Variants in SDK1 observed in about 807,000 individuals in gnomAD.
SDK1 encodes sidekick cell adhesion molecule 1, also known as protein sidekick-1.
In SDK1, 157 loss-of-function variants were observed where a neutral mutation model predicts 245.5. The ratio of observed to expected loss-of-function variants is 0.64; its 90% CI spans 0.56 to 0.73. SDK1 has a LOEUF of 0.73. Among genes scored for constraint, SDK1 ranks in the 30% least tolerant of loss-of-function variants. The pLI, the probability that SDK1 is intolerant of heterozygous loss-of-function variation, is 0.00. For synonymous variants in SDK1, 1,647 were observed against 1,278.5 expected, an observed-to-expected ratio of 1.29 and a Z score of -6.15; for missense variants, 3,583 against 3,002.3, an observed-to-expected ratio of 1.19 and a Z score of -4.52.
At chr7:4,221,577 A>C (rs1361785841) in intron 40 of SDK1, among the ~76,000 whole-genome samples, 6 of 152,164 alleles carry the variant, frequency 3.9e-5, no homozygotes. Flanking sequence ...TTAAGGGCAT[A>C]CGCTTTGGGA....
intron 1 of SDK1, among the ~76,000 whole-genome samples, chr7:3,569,006 GT>G (rs5881992): frequency 2.4e-3 from 351 of 143,550 alleles, no homozygotes; most frequent in East Asian, 9.6e-3. Flanking sequence ...TGTGGCATAT[GT>G]TTTTTTTTTT....
intron 20 of SDK1, among the ~76,000 whole-genome samples, chr7:4,075,342 C>G (rs1008906218): frequency 2.6e-5 from 4 of 152,116 alleles, no homozygotes; most frequent in Non-Finnish European, 4.4e-5. Context: ...AAATTTTTTT[C>G]AAAATATAAA....
chr7:3,891,585 T>C (rs1000398507), intron 5 of SDK1, among the ~76,000 whole-genome samples: 5 of 152,240 alleles, frequency 3.3e-5, no homozygotes, highest in Non-Finnish European at 7.3e-5. Flanking sequence ...ACAGTCATTT[T>C]TCGTGCATGT....
At chr7:3,898,003 A>G (rs1313790319) in intron 5 of SDK1, among the ~76,000 whole-genome samples, 2 of 151,442 alleles carry the variant, frequency 1.3e-5, no homozygotes, top group African/African-American at 2.4e-5. Flanking sequence ...TGCACAGTAC[A>G]CTGACCCAGG....
rs896543996 is a variant in SDK1, at chr7:4,016,242, C to G, written c.2421-929C>G. 3.3e-5 allele frequency among the ~76,000 whole-genome samples: 5 copies of G among 152,356 alleles called. No homozygotes were observed. The South Asian group carries it at 6.2e-4, about 19-fold the overall frequency. ...ATGCCGTGAAAAGCCAGCGGATTTG[C>G]TGCCACTCAAGTGTGGGACTGTGAG... On this transcript the variant is annotated intron_variant, in intron 16 of 44. Coordinates refer to ENST00000404826, the MANE Select transcript of SDK1 (RefSeq NM_152744.4).
At chr7:3,421,167 G>T (rs1779524484) in intron 1 of SDK1, among the ~76,000 whole-genome samples, 2 of 151,038 alleles carry the variant, frequency 1.3e-5, no homozygotes, top group Non-Finnish European at 2.9e-5. Flanking sequence ...TGCCTCCTGG[G>T]TTCAAGTGAT....
chr7:3,680,828 A>ATTATTTAT (rs552614393), intron 4 of SDK1, among the ~76,000 whole-genome samples: 23 of 152,034 alleles, frequency 1.5e-4, no homozygotes, highest in Admixed American at 2.6e-4. Context: ...TGTATTTCTT[A>ATTATTTAT]TTATTTATTT....
intron 1 of SDK1, among the ~76,000 whole-genome samples, chr7:3,537,847 TG>T (rs1778931723): frequency 6.6e-6 from 1 of 152,186 alleles, no homozygotes; most frequent in Non-Finnish European, 1.5e-5. Flanking sequence ...GAAGCAGAGT[TG>T]GGGCCTCCGT....
chr7:3,883,199 G>T (rs1022994630), intron 5 of SDK1, among the ~76,000 whole-genome samples: 1 of 152,162 alleles, frequency 6.6e-6, no homozygotes, highest in Admixed American at 6.5e-5. Context: ...CACAGGCTTC[G>T]ACCAGAGAAG....
rs1562646724 is a variant in SDK1 at position 3,672,779 on chromosome 7, ATATATATATATATAT to A, written c.713+30675_713+30689del. Among the ~76,000 whole-genome samples, 39 of 100,430 alleles carry A rather than the reference ATATATATATATATAT, an allele frequency of 3.9e-4. 1 individual carries two copies. Among genetic ancestry groups the A allele is most frequent in the Non-Finnish European group, 7.1e-4 (35 of 49,180 alleles). The allele number at this position is 100,430 out of a possible 152,430, so 65.9% of individuals were successfully genotyped here. On this transcript the variant is annotated intron_variant, in intron 4 of 44. Coordinates refer to ENST00000404826, the MANE Select transcript of SDK1 (RefSeq NM_152744.4). ...TAATTTTATATATATATATATATAT[ATATATATATATATAT>A]AAAAAATACAGAAAGCTCTAAGTAT...
intron 34 of SDK1, among the ~76,000 whole-genome samples, chr7:4,177,179 C>G (rs61459848): frequency 6.6e-6 from 1 of 152,192 alleles, no homozygotes; most frequent in Non-Finnish European, 1.5e-5. Context: ...TGAAGGCAGC[C>G]GTCCAAGGAC....
intron 1 of SDK1, among the ~76,000 whole-genome samples, chr7:3,375,343 C>T (rs1480423840): frequency 6.6e-6 from 1 of 152,096 alleles, no homozygotes; most frequent in African/African-American, 2.4e-5. Context: ...TAGAAGTAAG[C>T]CCAAGTACAT....
intron 1 of SDK1, among the ~76,000 whole-genome samples, chr7:3,478,787 CTTGT>C (rs980241495): frequency 1.3e-5 from 2 of 151,970 alleles, no homozygotes; most frequent in East Asian, 1.9e-4. Context: ...TGATGCTTAG[CTTGT>C]TTATTTTCAG....
chr7:3,573,141 TGA>T (rs1242118734), intron 1 of SDK1, among the ~76,000 whole-genome samples: 1 of 152,004 alleles, frequency 6.6e-6, no homozygotes, highest in Non-Finnish European at 1.5e-5. Context: ...GTGCTATAGT[TGA>T]GTTTTAAATG....
intron 1 of SDK1, among the ~76,000 whole-genome samples, chr7:3,522,057 T>A (rs1398909063): frequency 6.6e-6 from 1 of 152,108 alleles, no homozygotes; most frequent in Non-Finnish European, 1.5e-5. Flanking sequence ...AATCTTGACT[T>A]CATAGGATTG....
intron 1 of SDK1, among the ~76,000 whole-genome samples, chr7:3,459,656 C>T (rs1410690993): frequency 6.6e-6 from 1 of 152,166 alleles, no homozygotes; most frequent in Non-Finnish European, 1.5e-5. Context: ...TCTAAGTCCC[C>T]ACCCCATAAA....
rs1035240146 is a variant in SDK1 at position 4,027,974 on chromosome 7, GGA to G, written c.2602+10628_2602+10629del. On this transcript the variant is annotated intron_variant, in intron 17 of 44. Coordinates refer to ENST00000404826, the MANE Select transcript of SDK1 (RefSeq NM_152744.4). The stretch of plus-strand genomic sequence containing the variant: ...GCAGGGGAAGAATGGAGGAGGGGAG[GGA>G]GAGAGGGAAGAAAGAAAGGAGCAGA... Among the ~76,000 whole-genome samples, 5 of 151,910 alleles carry G rather than the reference GGA, an allele frequency of 3.3e-5. 1 individual carries two copies. The highest frequency in any genetic ancestry group is 4.4e-5 in the Non-Finnish European group (3 of 67,972).
At chr7:4,203,042 G>T (rs1783980153) in intron 35 of SDK1, among the ~76,000 whole-genome samples, 1 of 152,196 alleles carries the variant, frequency 6.6e-6, no homozygotes, top group Non-Finnish European at 1.5e-5. Context: ...GCGAGCACAG[G>T]GAGGTTGGGC....
At chr7:3,559,411 A>AT (rs1779681364) in intron 1 of SDK1, among the ~76,000 whole-genome samples, 1 of 152,158 alleles carries the variant, frequency 6.6e-6, no homozygotes, top group South Asian at 2.1e-4. Context: ...CAGGAAAAAA[A>AT]ATTTCTCTGC....
Sources: allele counts gnomAD v4.1 joint callset (sites outside exome capture counted in the v4.1 genomes callset), GRCh38; gene constraint gnomAD v4.1.1; transcripts MANE v1.5; gene names NCBI Gene and HGNC (gene_info 2026-07-23, HGNC 2026-07-21).